Variants in TLN2 observed in about 807,000 individuals in gnomAD.
TLN2 encodes talin 2, also known as talin-2.
In TLN2, 118 loss-of-function variants were observed where a neutral mutation model predicts 294.7. The ratio of observed to expected loss-of-function variants is 0.40; its 90% CI spans 0.34 to 0.47. The LOEUF (loss-of-function observed/expected upper bound fraction) is 0.47. Ranked by LOEUF, TLN2 falls within the 20% of genes least tolerant of loss-of-function variation. The pLI is 0.84. For missense variants in TLN2, 3,083 were observed against 3,282.2 expected, an observed-to-expected ratio of 0.94 and a Z score of 1.48; for synonymous variants, 1,431 against 1,304.5, an observed-to-expected ratio of 1.10 and a Z score of -2.09.
chr15:62,741,748 C>CGCGCGCGCGTGTGTGTGTGT, intron 32 of TLN2, among the ~76,000 whole-genome samples: 2,041 of 131,134 alleles, frequency 0.016, 55 homozygotes, highest in African/African-American at 0.052. Flanking sequence ...AAAATTTGCG[C>CGCGCGCGCGTGTGTGTGTGT]GTGTGTGTGT....
chr15:62,499,780 T>C (rs1189369293), intron 1 of TLN2, among the ~76,000 whole-genome samples: 1 of 151,976 alleles, frequency 6.6e-6, no homozygotes, highest in East Asian at 2.0e-4. Context: ...ATTTTGTATT[T>C]TTAGTAGAGA....
chr15:62,530,563 G>A (rs187929098), intron 1 of TLN2, among the ~76,000 whole-genome samples: 98 of 151,786 alleles, frequency 6.5e-4, no homozygotes, highest in Admixed American at 1.1e-3. Context: ...CACTATGTTG[G>A]CCAGGCTGGT....
chr15:62,687,063 C>G (rs2057345395), intron 12 of TLN2, among the ~76,000 whole-genome samples: 1 of 152,194 alleles, frequency 6.6e-6, no homozygotes. Flanking sequence ...GAAAAAGCCA[C>G]TCACCCAGAT....
At position 62,761,676 on chromosome 15, in the gene TLN2, A is replaced by G. The variant is rs773261822; in HGVS notation, c.4639-5A>G. The stretch of plus-strand genomic sequence containing the variant: ...GGGCAGAATCTCCCTGTTTTCTCCC[A>G]TCAGGCCCTGGATGGGGATTTCTCT... On this transcript the variant is annotated splice_polypyrimidine_tract_variant and splice_region_variant and intron_variant, in intron 37 of 58. Coordinates refer to ENST00000636159, the MANE Select transcript of TLN2 (RefSeq NM_015059.3). 23 of 1,614,046 alleles carry G rather than the reference A, an allele frequency of 1.4e-5. No homozygotes were observed. The highest frequency in any genetic ancestry group is 1.9e-5 in the Non-Finnish European group (22 of 1,180,028).
intron 32 of TLN2, among the ~76,000 whole-genome samples, chr15:62,742,281 G>A (rs896669642): frequency 6.6e-6 from 1 of 152,020 alleles, no homozygotes; most frequent in African/African-American, 2.4e-5. Context: ...GGGGTTGGGG[G>A]TGATGTCTGT....
chr15:62,506,924 G>A (rs190473809), intron 1 of TLN2, among the ~76,000 whole-genome samples: 1 of 152,238 alleles, frequency 6.6e-6, no homozygotes, highest in Admixed American at 6.5e-5. Flanking sequence ...TTTTGCTTAT[G>A]TGTATCTGTC....
Position 62,833,519 on chromosome 15 carries a change from C to T in TLN2, c.7018C>T (p.Leu2340=), listed in dbSNP as rs774770023. Residue 2340 remains leucine (L), a synonymous_variant, in exon 55 of 59, where the codon CTG becomes TTG. Transcript: ENST00000636159. ...TTGGTTATAGCAAGCGGATGAGACCCTGGACTTTGAGGAACAGATCTTGGA... is the reference window on the plus strand; with the variant it reads ...TTGGTTATAGCAAGCGGATGAGACCTTGGACTTTGAGGAACAGATCTTGGA... ...RAKPKQADET[L]DFEEQILEAA... The T allele has an allele frequency of 1.2e-6, 2 of 1,614,038 alleles. No homozygotes were observed. Among genetic ancestry groups the T allele is most frequent in the Non-Finnish European group, 1.7e-6 (2 of 1,179,964 alleles).
intron 1 of TLN2, among the ~76,000 whole-genome samples, chr15:62,534,328 T>C (rs536332264): frequency 3.5e-4 from 53 of 152,318 alleles, no homozygotes; most frequent in African/African-American, 1.2e-3. Context: ...CCAGCACAGA[T>C]TGTGGCCTGA....
At chr15:62,819,233 G>A (rs887255441) in intron 52 of TLN2, among the ~76,000 whole-genome samples, 2 of 152,110 alleles carry the variant, frequency 1.3e-5, no homozygotes, top group Non-Finnish European at 2.9e-5. Flanking sequence ...ACAAATGAAG[G>A]TCCAAATAGA....
At chr15:62,638,613 C>G (rs1201940548) in intron 3 of TLN2, 1 of 455,908 alleles carries the variant, frequency 2.2e-6, no homozygotes, top group East Asian at 7.0e-5. Flanking sequence ...GTTTTAGTTT[C>G]TTCACCTGAA....
chr15:62,819,579 G>T lies in TLN2; in HGVS notation c.6835G>T (p.Gly2279Cys), dbSNP rs138463845. The change falls in exon 53 of 59, where the codon GGC (glycine) becomes TGC (cysteine). Residue 2279 changes from glycine to cysteine, a missense_variant. Physicochemically the swap from Gly to Cys is radical, Grantham distance 159. Coordinates refer to ENST00000636159, the MANE Select transcript of TLN2 (RefSeq NM_015059.3). ...GGCCGCTTTCTCCAAGCGAGTCGCC[G>T]GCGCTGTGACAGAGCTCATCCAGGC... ...QLAAFSKRVA[G>C]AVTELIQAAE... 1.9e-6 allele frequency: 3 copies of T among 1,613,234 alleles called. No individual in the cohort carries two copies. Among genetic ancestry groups the T allele is most frequent in the Admixed American group, 3.3e-5 (2 of 60,012 alleles).
intron 1 of TLN2, among the ~76,000 whole-genome samples, chr15:62,534,433 C>T (rs2041222238): frequency 6.6e-6 from 1 of 152,132 alleles, no homozygotes; most frequent in Non-Finnish European, 1.5e-5. Context: ...CTCAGGGAAA[C>T]ATCATGGAAA....
intron 4 of TLN2, among the ~76,000 whole-genome samples, chr15:62,648,641 G>A (rs866143573): frequency 4.1e-5 from 6 of 146,458 alleles, no homozygotes; most frequent in South Asian, 2.2e-4. Flanking sequence ...TCCACCTTCC[G>A]AGTTTAAGCG....
intron 54 of TLN2, among the ~76,000 whole-genome samples, chr15:62,825,775 T>TTATAATATATATATA (rs2068025400): frequency 4.1e-5 from 1 of 24,360 alleles, no homozygotes; most frequent in African/African-American, 1.3e-4. Flanking sequence ...ATATATTATA[T>TTATAATATATATATA]AATATATTAT....
At chr15:62,753,077 AT>A (rs1310959699) in intron 35 of TLN2, among the ~76,000 whole-genome samples, 9 of 152,228 alleles carry the variant, frequency 5.9e-5, no homozygotes, top group Non-Finnish European at 1.2e-4. Flanking sequence ...ATGAAATAAG[AT>A]CAAAATTCCT....
intron 1 of TLN2, among the ~76,000 whole-genome samples, chr15:62,544,409 G>T (rs2041873309): frequency 6.6e-6 from 1 of 152,152 alleles, no homozygotes. Context: ...TTTCCAAAAG[G>T]TTATAAGTGG....
chr15:62,804,699 C>G (rs1028858811), intron 50 of TLN2, among the ~76,000 whole-genome samples: 2 of 152,174 alleles, frequency 1.3e-5, no homozygotes, highest in Admixed American at 6.5e-5. Context: ...GATTTGGGGT[C>G]CTGGACTGCT....
At chr15:62,805,031 T>G (rs915174032) in intron 50 of TLN2, among the ~76,000 whole-genome samples, 2 of 152,138 alleles carry the variant, frequency 1.3e-5, no homozygotes, top group African/African-American at 4.8e-5. Context: ...GCTAAATAAT[T>G]CACAGTGTCA....
At chr15:62,814,662 C>T (rs922211433) in intron 52 of TLN2, among the ~76,000 whole-genome samples, 6 of 151,872 alleles carry the variant, frequency 4.0e-5, no homozygotes, top group African/African-American at 1.2e-4. Context: ...AAATATAGGC[C>T]GAAAACAAGC....
Sources: allele counts gnomAD v4.1 joint callset (sites outside exome capture counted in the v4.1 genomes callset), GRCh38; gene constraint gnomAD v4.1.1; transcripts MANE v1.5; gene names NCBI Gene and HGNC (gene_info 2026-07-23, HGNC 2026-07-21).